NEK1: variants seen among roughly 807,000 people sequenced by gnomAD.
NEK1 encodes NIMA related kinase 1, also known as serine/threonine-protein kinase Nek1.
A neutral mutation model predicts 182.1 loss-of-function variants in NEK1; 137 were observed. That is an observed-to-expected ratio of 0.75 (90% CI 0.65 to 0.87). The LOEUF (loss-of-function observed/expected upper bound fraction) is 0.87, where lower values mean the gene tolerates loss of function less well. NEK1 is among the 40% of genes least tolerant of loss of function. The probability of loss-of-function intolerance (pLI) is 0.00; values close to 1 mark genes in which losing one functional copy is unlikely to be tolerated. For synonymous variants in NEK1, 513 were observed against 492.2 expected (o/e 1.04, Z -0.56); for missense variants, 1,391 against 1,494.4 (o/e 0.93, Z 1.14).
intron 27 of NEK1, among the ~76,000 whole-genome samples, chr4:169,447,172 A>G (rs1740730664): frequency 6.6e-6 from 1 of 152,366 alleles, no homozygotes; most frequent in South Asian, 2.1e-4. Context: ...TCAAAGACAA[A>G]CAAAGGAGAA....
chr4:169,519,735 A>G (rs1296899175), intron 19 of NEK1, among the ~76,000 whole-genome samples: 4 of 73,904 alleles, frequency 5.4e-5, no homozygotes, highest in Admixed American at 1.6e-4. Context: ...TTGCTTGTCT[A>G]TAAAGTATTT....
At chr4:169,585,884 A>G (rs1319363331) in intron 9 of NEK1, among the ~76,000 whole-genome samples, 10 of 152,200 alleles carry the variant, frequency 6.6e-5, no homozygotes, top group Non-Finnish European at 8.8e-5. Context: ...CAGAAAAAGA[A>G]CAACCTGCTG....
intron 31 of NEK1, among the ~76,000 whole-genome samples, chr4:169,413,199 G>A (rs538067165): frequency 1.1e-4 from 17 of 149,320 alleles, no homozygotes; most frequent in East Asian, 7.8e-4. Flanking sequence ...ACAGGGTCAC[G>A]CTCTGTCATC....
At chr4:169,396,083 T>C (rs1213408915) in intron 35 of NEK1, among the ~76,000 whole-genome samples, 1 of 152,016 alleles carries the variant, frequency 6.6e-6, no homozygotes, top group Non-Finnish European at 1.5e-5. Context: ...GAGTCTATAA[T>C]GGCCAGGCAT....
chr4:169,539,369 A>G (rs950686173), intron 18 of NEK1, among the ~76,000 whole-genome samples: 2 of 152,206 alleles, frequency 1.3e-5, no homozygotes, highest in African/African-American at 4.8e-5. Context: ...CCCCATTTAT[A>G]TAAGGCTGGG....
chr4:169,451,355 C>A (rs538252195), intron 27 of NEK1, among the ~76,000 whole-genome samples: 44 of 152,034 alleles, frequency 2.9e-4, no homozygotes, highest in Non-Finnish European at 3.2e-4. Context: ...ACCACATAGC[C>A]CTTATTCTAA....
At chr4:169,411,330 T>C (rs1733641567) in intron 31 of NEK1, among the ~76,000 whole-genome samples, 1 of 151,800 alleles carries the variant, frequency 6.6e-6, no homozygotes, top group Non-Finnish European at 1.5e-5. Flanking sequence ...CTGACTGACT[T>C]ATATTTTATT....
At chr4:169,588,094 G>A (rs907330672) in intron 8 of NEK1, among the ~76,000 whole-genome samples, 3 of 152,018 alleles carry the variant, frequency 2.0e-5, no homozygotes, top group African/African-American at 4.8e-5. Context: ...CTCTTTCTAC[G>A]CACATATTAT....
intron 30 of NEK1, 48 bp downstream of exon 30, chr4:169,426,098 T>C: frequency 7.3e-7 from 1 of 1,372,090 alleles, no homozygotes; most frequent in Non-Finnish European, 1.0e-6. Flanking sequence ...ATGTTAATAA[T>C]CATTAACATC....
chr4:169,593,589 T>C (rs564832516), intron 5 of NEK1, among the ~76,000 whole-genome samples: 29 of 152,324 alleles, frequency 1.9e-4, no homozygotes, highest in Admixed American at 7.2e-4. Context: ...GCTTATAAAA[T>C]ATAAATGTTA....
intron 23 of NEK1, among the ~76,000 whole-genome samples, chr4:169,505,818 A>G (rs559019021): frequency 6.6e-6 from 1 of 152,342 alleles, no homozygotes; most frequent in East Asian, 1.9e-4. Context: ...CAAAAACTCA[A>G]AATGTCTGCA....
intron 10 of NEK1, among the ~76,000 whole-genome samples, chr4:169,584,328 T>C (rs1353324996): frequency 6.6e-6 from 1 of 152,250 alleles, no homozygotes; most frequent in Non-Finnish European, 1.5e-5. Context: ...AACACATTTA[T>C]AGGCCAGGCG....
intron 31 of NEK1, among the ~76,000 whole-genome samples, chr4:169,417,048 A>G (rs945853358): frequency 5.9e-5 from 9 of 152,216 alleles, no homozygotes; most frequent in Non-Finnish European, 8.8e-5. Context: ...TAATTTTCCA[A>G]CCTGATGGCC....
At chr4:169,594,611 C>G (rs1013596688) in intron 5 of NEK1, among the ~76,000 whole-genome samples, 1 of 152,118 alleles carries the variant, frequency 6.6e-6, no homozygotes, top group Non-Finnish European at 1.5e-5. Flanking sequence ...TTTCCTTCAT[C>G]TACATTTTAC....
chr4:169,510,090 G>T (rs1753937119), intron 19 of NEK1, among the ~76,000 whole-genome samples: 1 of 152,030 alleles, frequency 6.6e-6, no homozygotes, highest in Non-Finnish European at 1.5e-5. Context: ...TCTCTCTTGG[G>T]TTCTTTCAAT....
intron 35 of NEK1, among the ~76,000 whole-genome samples, chr4:169,395,131 A>G (rs1438969981): frequency 6.6e-6 from 1 of 152,192 alleles, no homozygotes. Flanking sequence ...AAAGATTATA[A>G]TCAAGTGAAT....
chr4:169,436,793 A>C (rs1321080026), intron 28 of NEK1, among the ~76,000 whole-genome samples: 1 of 152,258 alleles, frequency 6.6e-6, no homozygotes, highest in Non-Finnish European at 1.5e-5. Context: ...AGAAAGATTT[A>C]AAGGCATGTC....
In NEK1 at chr4:169,424,747, G is replaced by C; in HGVS notation, c.3028C>G (p.Gln1010Glu). The C allele has an allele frequency of 6.2e-7, 1 of 1,613,836 alleles. No individual in the cohort carries two copies. The highest frequency in any genetic ancestry group is 8.5e-7 in the Non-Finnish European group (1 of 1,179,784). The change falls in exon 31 of 36, where the codon CAA (glutamine) becomes GAA (glutamate). Residue 1010 changes from glutamine (Q) to glutamate (E), a missense_variant. Gln to Glu is a conservative substitution (Grantham distance 29). Around this residue, in one of 5 missense-constraint regions of NEK1, gnomAD observed 1,216 missense variants for 1,277.6 expected, o/e 0.95. Transcript: ENST00000507142. ...HSKCDVDKSVQPEPFFHKVVH... is the reference protein window; with the variant it reads ...HSKCDVDKSVEPEPFFHKVVH... Reference sequence around the variant, plus strand: ...ACCTTATGGAAAAATGGTTCCGGTTGCACAGACTTATCTACATCACATTTA... The same window carrying C: ...ACCTTATGGAAAAATGGTTCCGGTTCCACAGACTTATCTACATCACATTTA...
intron 31 of NEK1, among the ~76,000 whole-genome samples, chr4:169,408,636 C>A (rs536861973): frequency 2.0e-5 from 3 of 152,244 alleles, no homozygotes; most frequent in East Asian, 3.9e-4. Flanking sequence ...ACCCTTCCCC[C>A]CTTGAGTCGC....
Sources: allele counts gnomAD v4.1 joint callset (sites outside exome capture counted in the v4.1 genomes callset), GRCh38; gene constraint gnomAD v4.1.1; regional missense constraint gnomAD v4.1.1; transcripts MANE v1.5; gene names NCBI Gene and HGNC (gene_info 2026-07-23, HGNC 2026-07-21).